The following VPS45 variants were observed in gnomAD, a reference collection of about 807,000 sequenced individuals.
VPS45 encodes the protein vacuolar protein sorting-associated protein 45.
A neutral mutation model predicts 75.9 loss-of-function variants in VPS45; 35 were observed. The observed-to-expected ratio is 0.46, with a 90% confidence interval of 0.35 to 0.61. The LOEUF is 0.61. Ranked by LOEUF, VPS45 falls within the 20% of genes least tolerant of loss-of-function variation. The pLI, the probability that VPS45 is intolerant of heterozygous loss-of-function variation, is 0.00. For missense variants in VPS45, 559 were observed against 685.9 expected, an observed-to-expected ratio of 0.81 and a Z score of 2.07; for synonymous variants, 220 against 238.2, an observed-to-expected ratio of 0.92 and a Z score of 0.70.
rs1553796380 is a variant in VPS45, at chr1:150,068,751, T to C, written c.215T>C (p.Leu72Pro). The C allele has an allele frequency of 6.2e-7, 1 of 1,611,618 alleles. No homozygotes were observed. The highest frequency in any genetic ancestry group is 1.3e-5 in the African/African-American group (1 of 74,814). Reference sequence around the variant, plus strand: ...AAACACCTGAAGGCAATTTGTTTTCTTCGACCTACAAAGGTACTGCATAAA... The same window carrying C: ...AAACACCTGAAGGCAATTTGTTTTCCTCGACCTACAAAGGTACTGCATAAA... ...IMKHLKAICF[L>P]RPTKENVDYI... is the part of the protein sequence containing the mutation. The change falls in exon 2 of 15, where the codon CTT becomes CCT. Residue 72 changes from leucine to proline, a missense_variant. By Grantham distance (98) the Leu-to-Pro change is moderately conservative. Coordinates refer to ENST00000644510, the MANE Select transcript of VPS45 (RefSeq NM_007259.5).
intron 14 of VPS45, among the ~76,000 whole-genome samples, chr1:150,132,143 C>A (rs1194519429): frequency 6.6e-6 from 1 of 152,038 alleles, no homozygotes; most frequent in Non-Finnish European, 1.5e-5. Flanking sequence ...AATCATTTTT[C>A]TTTTGTGTAA....
intron 13 of VPS45, among the ~76,000 whole-genome samples, chr1:150,101,432 A>G (rs782797424): frequency 1.2e-4 from 19 of 152,160 alleles, no homozygotes; most frequent in African/African-American, 4.3e-4. Flanking sequence ...CAGAATGGCT[A>G]TTACTAAAAA....
intron 14 of VPS45, among the ~76,000 whole-genome samples, chr1:150,135,810 TG>T (rs1553813512): frequency 6.6e-6 from 1 of 151,160 alleles, no homozygotes; most frequent in African/African-American, 2.4e-5. Context: ...GGCTAATTTT[TG>T]TATTTTTAGT....
chr1:150,088,253 G>T (rs1370918887), intron 10 of VPS45, among the ~76,000 whole-genome samples: 2 of 151,764 alleles, frequency 1.3e-5, no homozygotes, highest in African/African-American at 4.8e-5. Context: ...TCTGGTAACT[G>T]CTATTCTGCT....
chr1:150,072,049 C>A, intron 2 of VPS45, 117 bp from the exon 3 acceptor site: 1 of 688,456 alleles, frequency 1.5e-6, no homozygotes, highest in Non-Finnish European at 2.3e-6. Context: ...GCACACTTAA[C>A]CTAGACTTCA....
intron 13 of VPS45, among the ~76,000 whole-genome samples, chr1:150,107,466 T>C (rs1055631728): frequency 3.3e-5 from 5 of 152,236 alleles, no homozygotes; most frequent in Admixed American, 6.5e-5. Flanking sequence ...GTACCTCCTC[T>C]TCACCCTTTC....
At chr1:150,071,101 G>A (rs926900169) in intron 2 of VPS45, among the ~76,000 whole-genome samples, 3 of 151,716 alleles carry the variant, frequency 2.0e-5, no homozygotes, top group Non-Finnish European at 4.4e-5. Context: ...CCATTAATAA[G>A]CAGTATATAT....
At chr1:150,088,433 A>AT (rs1656133931) in intron 10 of VPS45, among the ~76,000 whole-genome samples, 22 of 125,636 alleles carry the variant, frequency 1.8e-4, no homozygotes, top group African/African-American at 6.1e-4. Flanking sequence ...GCTGAATAAT[A>AT]AATATATATA....
intron 7 of VPS45, among the ~76,000 whole-genome samples, chr1:150,078,255 C>CTACTAGGTTA (rs1655507285): frequency 2.0e-5 from 3 of 152,166 alleles, no homozygotes; most frequent in Admixed American, 6.5e-5. Flanking sequence ...TCCCATTTGC[C>CTACTAGGTTA]TACTAGGTTA....
chr1:150,136,179 G>A (rs930525106), intron 14 of VPS45, among the ~76,000 whole-genome samples: 6 of 145,138 alleles, frequency 4.1e-5, no homozygotes, highest in Non-Finnish European at 7.4e-5. Flanking sequence ...AACCTGGGAG[G>A]CAGGGATTGC....
At chr1:150,083,564 C>A (rs980741685) in intron 10 of VPS45, among the ~76,000 whole-genome samples, 16 of 151,568 alleles carry the variant, frequency 1.1e-4, no homozygotes, top group African/African-American at 3.6e-4. Flanking sequence ...CTTCTTAGCA[C>A]TTCTTAGGGA....
intron 8 of VPS45, 60 bp downstream of exon 8, chr1:150,081,536 T>G: frequency 6.4e-7 from 1 of 1,558,452 alleles, no homozygotes. Context: ...AAGATCAATA[T>G]TGGCTTGTTA....
chr1:150,104,496 TATG>T (rs1657212200), intron 13 of VPS45, among the ~76,000 whole-genome samples: 1 of 152,208 alleles, frequency 6.6e-6, no homozygotes, highest in Non-Finnish European at 1.5e-5. Context: ...TCTCTTTTTA[TATG>T]ATGATTTCCT....
intron 13 of VPS45, 44 bp downstream of exon 13, chr1:150,093,692 A>T (rs376834402): frequency 6.3e-7 from 1 of 1,584,804 alleles, no homozygotes. Flanking sequence ...GAAATACTGA[A>T]CAAACAGAAA....
intron 13 of VPS45, chr1:150,109,602 T>C (rs1446792524): frequency 6.6e-6 from 1 of 152,228 alleles, no homozygotes; most frequent in African/African-American, 2.4e-5. Context: ...CGGATGCTTC[T>C]GATTGATGTA....
At chr1:150,088,544 A>G (rs1656149779) in intron 10 of VPS45, among the ~76,000 whole-genome samples, 2 of 136,230 alleles carry the variant, frequency 1.5e-5, no homozygotes, top group African/African-American at 2.8e-5. Flanking sequence ...TAGTGGTGCA[A>G]TCTTGGCTCA....
intron 14 of VPS45, among the ~76,000 whole-genome samples, chr1:150,138,938 A>G (rs1659246294): frequency 1.3e-5 from 2 of 151,862 alleles, no homozygotes; most frequent in Admixed American, 1.3e-4. Flanking sequence ...TCTCCTCTTT[A>G]TCTCACACCT....
chr1:150,088,461 C>A (rs2101555436), intron 10 of VPS45, among the ~76,000 whole-genome samples: 1 of 127,022 alleles, frequency 7.9e-6, no homozygotes, highest in African/African-American at 3.1e-5. Flanking sequence ...ATATATGCTG[C>A]TATTTTCTTT....
intron 14 of VPS45, chr1:150,142,845 G>A (rs1346043598): frequency 4.4e-6 from 2 of 450,660 alleles, no homozygotes; most frequent in African/African-American, 4.0e-5. Flanking sequence ...TAGAGATGGG[G>A]TTTCACTATG....
Sources: allele counts gnomAD v4.1 joint callset (sites outside exome capture counted in the v4.1 genomes callset), GRCh38; gene constraint gnomAD v4.1.1; transcripts MANE v1.5; gene names NCBI Gene and HGNC (gene_info 2026-07-23, HGNC 2026-07-21).